The following ADGRV1 variants were observed in gnomAD, a reference collection of about 807,000 sequenced individuals.
ADGRV1 encodes the protein adhesion G protein-coupled receptor V1.
Under a neutral mutation model 596.2 loss-of-function variants are expected in ADGRV1, and 359 were observed. The observed-to-expected ratio is 0.60, with a 90% CI of 0.55 to 0.66. The LOEUF is 0.66. Among genes scored for constraint, ADGRV1 ranks in the 30% least tolerant of loss-of-function variants. The pLI, the probability that ADGRV1 is intolerant of heterozygous loss-of-function variation, is 0.00. For missense variants in ADGRV1, 7,274 were observed against 7,575.6 expected, an observed-to-expected ratio of 0.96 and a Z score of 1.48; for synonymous variants, 2,681 against 2,679.2, an observed-to-expected ratio of 1.00 and a Z score of -0.02.
intron 1 of ADGRV1, among the ~76,000 whole-genome samples, chr5:90,569,415 T>TTTTTC (rs1295993815): frequency 1.0e-4 from 11 of 105,628 alleles, no homozygotes; most frequent in African/African-American, 4.6e-4. Context: ...TTTTTTTTTT[T>TTTTTC]CTCATTCTTA....
Position 90,863,791 on chromosome 5 carries a change from T to C in ADGRV1, c.17790T>C (p.Cys5930=), listed in dbSNP as rs754433374. The C allele has an allele frequency of 3.1e-6, 5 of 1,613,568 alleles. No homozygotes were observed. Among genetic ancestry groups the C allele is most frequent in the Non-Finnish European group, 4.2e-6 (5 of 1,179,568 alleles). ...LCLAVLSHIF[C]ARYSMFAAKL... is the part of the protein sequence containing the mutation. ...TGGCTGTTCTTTCCCATATCTTCTG[T>C]GCCAGGTACTCCATGTTTGCAGCTA... is the stretch of plus-strand genomic sequence containing the variant. The change falls in exon 83 of 90, where the codon TGT becomes TGC. Residue 5930 remains cysteine, a synonymous_variant. Coordinates refer to ENST00000405460, the MANE Select transcript of ADGRV1 (RefSeq NM_032119.4).
At chr5:90,584,541 G>T (rs527872244) in intron 1 of ADGRV1, among the ~76,000 whole-genome samples, 1 of 152,164 alleles carries the variant, frequency 6.6e-6, no homozygotes, top group Non-Finnish European at 1.5e-5. Context: ...CTGTATACAG[G>T]GTTCTTGGGG....
intron 38 of ADGRV1, among the ~76,000 whole-genome samples, chr5:90,707,917 G>C (rs547765591): frequency 3.3e-5 from 5 of 152,106 alleles, no homozygotes; most frequent in African/African-American, 9.6e-5. Context: ...GTGGGGGGTG[G>C]GGGACATTAA....
At position 91,066,160 on chromosome 5, in the gene ADGRV1, C is replaced by T. The variant is rs578105575; in HGVS notation, c.18153-6287C>T. 4.9e-4 allele frequency among the ~76,000 whole-genome samples: 74 copies of T among 152,324 alleles called. 1 individual carries two copies. The South Asian group carries it at 0.014, about 29-fold the overall frequency. On this transcript the variant is annotated intron_variant, in intron 85 of 89. Transcript: ENST00000405460. ...AGATGTGTTCTTGAAGCAATAGCTG[C>T]ACGTTAATCAGCTACTTCCACAGCC... is the stretch of plus-strand genomic sequence containing the variant.
At chr5:90,598,418 T>A (rs183001883) in intron 1 of ADGRV1, among the ~76,000 whole-genome samples, 4 of 152,360 alleles carry the variant, frequency 2.6e-5, no homozygotes, top group Non-Finnish European at 2.9e-5. Flanking sequence ...GGAGAGCTGC[T>A]TAGGGACCCT....
At chr5:90,567,444 C>T (rs1755782505) in intron 1 of ADGRV1, among the ~76,000 whole-genome samples, 2 of 152,198 alleles carry the variant, frequency 1.3e-5, no homozygotes, top group Admixed American at 1.3e-4. Flanking sequence ...TGGTCCTGGA[C>T]TTTCTTCATG....
intron 86 of ADGRV1, among the ~76,000 whole-genome samples, chr5:91,090,369 A>G (rs1401232722): frequency 1.3e-5 from 2 of 152,136 alleles, no homozygotes; most frequent in East Asian, 1.9e-4. Flanking sequence ...TGAAAATTAT[A>G]TATAGCTTTT....
In ADGRV1 at chr5:90,627,482, A is replaced by T. The variant is rs1325877739; in HGVS notation, c.944A>T (p.His315Leu). The T allele has an allele frequency of 3.7e-6, 6 of 1,613,890 alleles. No homozygotes were observed. The African/African-American group carries it at 4.0e-5, about 11-fold the overall frequency. ...YAVTTGNSTAHAQQNLDFIDL... is the reference protein window; with the variant it reads ...YAVTTGNSTALAQQNLDFIDL... ...GTCACAACTGGGAATTCCACAGCAC[A>T]TGCCCAGCAAAATCTGGACTTCATT... The change falls in exon 7 of 90, where the codon CAT (histidine) becomes CTT (leucine). Residue 315 changes from histidine (H) to leucine (L), a missense_variant. His to Leu is a moderately conservative substitution (Grantham distance 99). Around this residue, in one of 5 missense-constraint regions of ADGRV1, gnomAD observed 1,715 missense variants for 1,708.8 expected, o/e 1.00. Transcript: ENST00000405460.
At chr5:90,684,905 G>C (rs1305605662) in intron 28 of ADGRV1, among the ~76,000 whole-genome samples, 1 of 152,150 alleles carries the variant, frequency 6.6e-6, no homozygotes, top group African/African-American at 2.4e-5. Context: ...GGTTAAAGAG[G>C]CAGTAATTTA....
At chr5:90,775,160 A>G (rs1311779568) in intron 60 of ADGRV1, among the ~76,000 whole-genome samples, 1 of 152,196 alleles carries the variant, frequency 6.6e-6, no homozygotes, top group Non-Finnish European at 1.5e-5. Flanking sequence ...TTGGTGATTA[A>G]TACATTTCTT....
Position 90,745,646 on chromosome 5 carries a change from A to G in ADGRV1, c.10825A>G (p.Ile3609Val). The change falls in exon 52 of 90, where the codon ATC becomes GTC. Residue 3609 changes from isoleucine to valine, a missense_variant. Around this residue, in one of 5 missense-constraint regions of ADGRV1, gnomAD observed 3,643 missense variants for 3,809.2 expected, o/e 0.96. Transcript: ENST00000405460. ...GAGAGAAGCTACAATAGCAGTAAAT[A>G]TCCTTGATGATACAGTTCCAGAAAA... ...GEREATIAVN[I>V]LDDTVPEKEE... The G allele has an allele frequency of 6.2e-7, 1 of 1,612,988 alleles. No homozygotes were observed. The highest frequency in any genetic ancestry group is 8.5e-7 in the Non-Finnish European group (1 of 1,179,312).
intron 4 of ADGRV1, among the ~76,000 whole-genome samples, chr5:90,619,689 G>C (rs1002957459): frequency 2.0e-5 from 3 of 151,678 alleles, no homozygotes; most frequent in African/African-American, 7.3e-5. Flanking sequence ...CCATGCTGGT[G>C]TGCTGCACCC....
intron 70 of ADGRV1, among the ~76,000 whole-genome samples, chr5:90,798,135 A>G (rs1760956179): frequency 6.6e-6 from 1 of 152,242 alleles, no homozygotes. Flanking sequence ...TCAATCCAGT[A>G]GCTGATTTTT....
chr5:90,732,199 T>C (rs1752643790), intron 50 of ADGRV1, among the ~76,000 whole-genome samples: 1 of 152,184 alleles, frequency 6.6e-6, no homozygotes, highest in South Asian at 2.1e-4. Context: ...AAGTGGAGTT[T>C]CTTTGTGTTG....
At chr5:90,647,457 A>G (rs1233283746) in intron 16 of ADGRV1, 41 bp from the exon 17 acceptor site, 1 of 1,569,742 alleles carries the variant, frequency 6.4e-7, no homozygotes, top group Admixed American at 1.8e-5. Context: ...ATGTGATGGA[A>G]TCAGAAAAGC....
chr5:90,747,179 T>G (rs1754719336), intron 52 of ADGRV1, among the ~76,000 whole-genome samples: 1 of 152,038 alleles, frequency 6.6e-6, no homozygotes, highest in African/African-American at 2.4e-5. Context: ...CTATGTAATA[T>G]CTGGGGTAGG....
At chr5:90,919,044 C>G (rs968136377) in intron 83 of ADGRV1, among the ~76,000 whole-genome samples, 17 of 152,342 alleles carry the variant, frequency 1.1e-4, no homozygotes, top group African/African-American at 3.6e-4. Flanking sequence ...AGATCATCCT[C>G]TGGTTTTCTG....
At chr5:90,983,058 ATATAT>A (rs1321317135) in intron 84 of ADGRV1, among the ~76,000 whole-genome samples, 2 of 152,194 alleles carry the variant, frequency 1.3e-5, no homozygotes, top group African/African-American at 2.4e-5. Flanking sequence ...TTTAAAAATG[ATATAT>A]TATGGGAAAT....
chr5:90,923,704 T>TC (rs1774111112), intron 83 of ADGRV1, among the ~76,000 whole-genome samples: 6 of 152,304 alleles, frequency 3.9e-5, no homozygotes, highest in Non-Finnish European at 8.8e-5. Flanking sequence ...TATGTATACA[T>TC]GTGCCATGCT....
Sources: allele counts gnomAD v4.1 joint callset (sites outside exome capture counted in the v4.1 genomes callset), GRCh38; gene constraint gnomAD v4.1.1; regional missense constraint gnomAD v4.1.1; transcripts MANE v1.5; gene names NCBI Gene and HGNC (gene_info 2026-07-23, HGNC 2026-07-21).